Variants in MORC2 observed in about 807,000 individuals in gnomAD.
The protein encoded by MORC2 is MORC family CW-type zinc finger 2, also known as ATPase MORC2.
Under a neutral mutation model 136.0 loss-of-function variants are expected in MORC2, and 30 were observed. The observed-to-expected ratio is 0.22, with a 90% CI of 0.17 to 0.30. The LOEUF is 0.30. Among genes scored for constraint, MORC2 ranks in the 10% least tolerant of loss-of-function variants. The probability of loss-of-function intolerance (pLI) is 1.00; values close to 1 mark genes in which losing one functional copy is unlikely to be tolerated. For synonymous variants in MORC2, 439 were observed against 487.0 expected (o/e 0.90, Z 1.30); for missense variants, 922 against 1,333.1 (o/e 0.69, Z 4.80).
Position 30,932,285 on chromosome 22 carries a change from C to T in MORC2, c.2841+74G>A. On this transcript the variant is annotated intron_variant, in intron 24 of 25. Coordinates refer to ENST00000397641, the MANE Select transcript of MORC2 (RefSeq NM_001303256.3). The surrounding 1 kb of genome is among the most constrained non-coding windows in gnomAD (Gnocchi z 4.4). ...GCAACAAGCGTAACAATCATAATCA[C>T]AACAGTTACAACAAATGCAGGGGCA... is the stretch of plus-strand genomic sequence containing the variant. 7.9e-7 allele frequency: 1 copy of T among 1,264,710 alleles called. No homozygotes were observed. The highest frequency in any genetic ancestry group is 1.1e-6 in the Non-Finnish European group (1 of 887,694). The allele number at this position is 1,264,710 out of a possible 1,614,324, so 78.3% of individuals were successfully genotyped here. A position where few individuals can be genotyped will look rare whatever the true frequency, so the allele number is the denominator to read the frequency against.
chr22:30,966,122 T>C (rs1370761338), intron 1 of MORC2, among the ~76,000 whole-genome samples: 1 of 152,262 alleles, frequency 6.6e-6, no homozygotes, highest in Non-Finnish European at 1.5e-5. Flanking sequence ...GTGACTGATA[T>C]GAAGCAATTA....
In MORC2 at chr22:30,938,053, G is replaced by A. The variant is rs1392639081; in HGVS notation, c.1214+12C>T. 9 of 1,613,914 alleles carry A rather than the reference G, an allele frequency of 5.6e-6. No individual in the cohort carries two copies. Among genetic ancestry groups the A allele is most frequent in the African/African-American group, 1.3e-5 (1 of 74,876 alleles). ...ATCCTGGGCTAGACAGCTCTCTGTG[G>A]GTAGTACTCACATGCCCCCTTCCAG... is the stretch of plus-strand genomic sequence containing the variant. On this transcript the variant is annotated intron_variant, in intron 13 of 25. Coordinates refer to ENST00000397641, the MANE Select transcript of MORC2 (RefSeq NM_001303256.3).
At position 30,938,621 on chromosome 22, in the gene MORC2, G is replaced by A. The variant is rs113445802; in HGVS notation, c.1074-416C>T. Among the ~76,000 whole-genome samples the A allele has an allele frequency of 5.7e-3, 863 of 152,262 alleles. 12 individuals carry two copies. The highest frequency in any genetic ancestry group is 0.02 in the African/African-American group (822 of 41,544). On this transcript the variant is annotated intron_variant, in intron 12 of 25. Transcript: ENST00000397641. ...GTCTTGCTCTGTCGCCCAGGCTGGA[G>A]TGCAGTGGTGCGATCTCCGCTCACT...
In MORC2 at chr22:30,928,120, C is replaced by T. The variant is rs777166169; in HGVS notation, c.2929G>A (p.Glu977Lys). 14 of 1,613,912 alleles carry T rather than the reference C, an allele frequency of 8.7e-6. No homozygotes were observed. Among genetic ancestry groups the T allele is most frequent in the African/African-American group, 5.3e-5 (4 of 74,906 alleles). ...CTCTCGGAGGTGCGCAGGCTTTCCT[C>T]GGAGGCCTTGGCCCGGGAGTCAGCA... is the stretch of plus-strand genomic sequence containing the variant. Reference protein sequence around the residue: ...SRADSRAKASEESLRTSERKL... With the variant: ...SRADSRAKASKESLRTSERKL... The change falls in exon 25 of 26, where the codon GAG becomes AAG. Residue 977 changes from glutamate to lysine, a missense_variant. Glu to Lys is a moderately conservative substitution (Grantham distance 56, BLOSUM62 1). Around this residue, in one of 9 missense-constraint regions of MORC2, gnomAD observed 263 missense variants for 388.3 expected, o/e 0.68. Coordinates refer to ENST00000397641, the MANE Select transcript of MORC2 (RefSeq NM_001303256.3).
At chr22:30,964,022 G>A (rs1365370990) in intron 1 of MORC2, among the ~76,000 whole-genome samples, 1 of 152,184 alleles carries the variant, frequency 6.6e-6, no homozygotes, top group Non-Finnish European at 1.5e-5. Flanking sequence ...CTAAGTCTCT[G>A]AGTTGACAGG....
Position 30,933,758 on chromosome 22 carries a change from A to G in MORC2, c.2326-238T>C, listed in dbSNP as rs117387835. Among the ~76,000 whole-genome samples the G allele has an allele frequency of 6.5e-4, 99 of 152,314 alleles. 1 individual carries two copies. In the East Asian group the frequency reaches 0.016, roughly 24 times the overall value. On this transcript the variant is annotated intron_variant, in intron 20 of 25. Coordinates refer to ENST00000397641, the MANE Select transcript of MORC2 (RefSeq NM_001303256.3). Reference sequence around the variant, plus strand: ...CATGTGTTTCAAGCCTCACTGATGTACGTCTGTGTGACTTCAGGCCTGTGG... The same window carrying G: ...CATGTGTTTCAAGCCTCACTGATGTGCGTCTGTGTGACTTCAGGCCTGTGG...
chr22:30,935,824 A>C (rs1440367337), intron 17 of MORC2, among the ~76,000 whole-genome samples: 1 of 152,274 alleles, frequency 6.6e-6, no homozygotes, highest in Non-Finnish European at 1.5e-5. Flanking sequence ...TAAGCAGTTT[A>C]AAAGGAATAA....
At chr22:30,936,695 G>A in intron 16 of MORC2, 52 bp from the exon 17 acceptor site, 2 of 1,595,044 alleles carry the variant, frequency 1.3e-6, no homozygotes. Context: ...GCCAAGCTCG[G>A]CAAGGACCTT....
chr22:30,933,086 G>C, intron 21 of MORC2, 56 bp from the exon 22 acceptor site: 1 of 1,603,468 alleles, frequency 6.2e-7, no homozygotes, highest in Non-Finnish European at 8.5e-7. Context: ...CCCTCACTTG[G>C]CCTGGGCCAC....
intron 1 of MORC2, 84 bp downstream of exon 1, chr22:30,967,738 G>A: frequency 1.3e-6 from 2 of 1,539,842 alleles, no homozygotes; most frequent in East Asian, 2.5e-5. Flanking sequence ...AAGTGAAAAA[G>A]CAAAATTTTC....
intron 9 of MORC2, 33 bp from the exon 10 acceptor site, chr22:30,940,870 C>A (rs756377214): frequency 1.3e-6 from 2 of 1,585,728 alleles, no homozygotes; most frequent in Non-Finnish European, 1.7e-6. Context: ...TGATGGCCCA[C>A]GCAGCAGTGG....
chr22:30,960,950 C>G (rs1468668886), intron 1 of MORC2, among the ~76,000 whole-genome samples: 1 of 151,760 alleles, frequency 6.6e-6, no homozygotes, highest in Non-Finnish European at 1.5e-5. Flanking sequence ...ACTGCAACCT[C>G]TGCCTCCAGG....
chr22:30,966,063 T>C (rs1890488429), intron 1 of MORC2, among the ~76,000 whole-genome samples: 1 of 152,202 alleles, frequency 6.6e-6, no homozygotes. Flanking sequence ...GGAATAATCC[T>C]TATCCCAAAG....
At chr22:30,949,894 G>A in intron 4 of MORC2, 52 bp from the exon 5 acceptor site, 10 of 1,536,770 alleles carry the variant, frequency 6.5e-6, no homozygotes, top group Non-Finnish European at 9.0e-6. Flanking sequence ...CTTTCCCAGG[G>A]TCCTCAAAGT....
At chr22:30,953,148 T>C (rs374643082) in intron 3 of MORC2, among the ~76,000 whole-genome samples, 9 of 152,298 alleles carry the variant, frequency 5.9e-5, no homozygotes, top group Admixed American at 2.6e-4. Context: ...TATTCCACCA[T>C]AGAGATAGAT....
Position 30,937,521 on chromosome 22 carries a change from T to C in MORC2, c.1498+62A>G, listed in dbSNP as rs1265464872. On this transcript the variant is annotated intron_variant, in intron 15 of 25. Transcript: ENST00000397641. The surrounding 1 kb of genome is among the most constrained non-coding windows in gnomAD (Gnocchi z 4.7). ...TCAAGTTAGGAGGCTGGCAGGAAGA[T>C]AGAGAAAAGAGGCTTGTGGGCTGAT... The C allele has an allele frequency of 3.2e-6, 5 of 1,581,756 alleles. No individual in the cohort carries two copies. Among genetic ancestry groups the C allele is most frequent in the African/African-American group, 1.4e-5 (1 of 73,922 alleles).
rs1353963202 is a variant in MORC2, at chr22:30,926,831, A to G, written c.3071T>C (p.Ile1024Thr). 6 of 1,613,672 alleles carry G rather than the reference A, an allele frequency of 3.7e-6. No individual in the cohort carries two copies. Among genetic ancestry groups the G allele is most frequent in the East Asian group, 2.2e-5 (1 of 44,808 alleles). Residue 1024 changes from isoleucine (I) to threonine (T), a missense_variant, in exon 26 of 26, where the codon ATT becomes ACT. Ile to Thr is a moderately conservative substitution (Grantham distance 89, BLOSUM62 -1). Coordinates refer to ENST00000397641, the MANE Select transcript of MORC2 (RefSeq NM_001303256.3). ...INTDDELDAYIEDLITKGD is the reference protein window; with the variant it reads ...INTDDELDAYTEDLITKGD ...GTCCCCCTTGGTGATGAGGTCCTCA[A>G]TGTAGGCGTCCAGCTCATCATCTGT... is the stretch of plus-strand genomic sequence containing the variant.
chr22:30,960,246 C>T (rs530514861), intron 1 of MORC2, among the ~76,000 whole-genome samples: 1 of 152,260 alleles, frequency 6.6e-6, no homozygotes, highest in African/African-American at 2.4e-5. Context: ...AGATTACAGA[C>T]CTGAGCCACC....
At chr22:30,950,277 C>T (rs1306976802) in intron 4 of MORC2, 100 bp downstream of exon 4, 12 of 1,234,462 alleles carry the variant, frequency 9.7e-6, no homozygotes, top group Non-Finnish European at 1.4e-5. Context: ...CTAGACATAA[C>T]ATTGGAGGCA....
Sources: gnomAD v4.1 joint callset for allele counts (sites outside exome capture counted in the v4.1 genomes callset) on GRCh38, gnomAD v4.1.1 for gene constraint, gnomAD v4.1.1 regional missense constraint, Gnocchi (gnomAD v3.1) non-coding constraint, MANE v1.5 for transcripts, NCBI Gene and HGNC (gene_info 2026-07-23, HGNC 2026-07-21) for gene names.